The following DNAH14 variants were observed in gnomAD, a reference collection of about 807,000 sequenced individuals.
The protein encoded by DNAH14 is dynein axonemal heavy chain 14.
In DNAH14, 478 loss-of-function variants were observed where a neutral mutation model predicts 520.9. The ratio of observed to expected loss-of-function variants is 0.92; its 90% CI spans 0.85 to 0.99. The LOEUF (loss-of-function observed/expected upper bound fraction) is 0.99, where lower values mean the gene tolerates loss of function less well. Ranked by LOEUF, DNAH14 falls within the 50% of genes least tolerant of loss-of-function variation. The pLI, the probability that DNAH14 is intolerant of heterozygous loss-of-function variation, is 0.00. For synonymous variants in DNAH14, 1,581 were observed against 1,757.2 expected, an observed-to-expected ratio of 0.90 and a Z score of 2.51; for missense variants, 4,831 against 5,234.5, an observed-to-expected ratio of 0.92 and a Z score of 2.38.
At chr1:225,320,024 T>C (rs1574745113) in intron 61 of DNAH14, among the ~76,000 whole-genome samples, 1 of 152,196 alleles carries the variant, frequency 6.6e-6, no homozygotes, top group East Asian at 1.9e-4. Context: ...ATGTACCTCA[T>C]GACTTTGTTC....
At chr1:225,194,409 G>A (rs1368629721) in intron 38 of DNAH14, among the ~76,000 whole-genome samples, 3 of 152,008 alleles carry the variant, frequency 2.0e-5, no homozygotes, top group Non-Finnish European at 4.4e-5. Context: ...AGTTGCCAAA[G>A]TTTGAAAAAA....
chr1:225,353,251 C>T (rs2095391519), intron 72 of DNAH14, among the ~76,000 whole-genome samples: 1 of 151,922 alleles, frequency 6.6e-6, no homozygotes, highest in Non-Finnish European at 1.5e-5. Flanking sequence ...TCCCACCTTG[C>T]AAAAAATTGT....
chr1:225,132,535 C>A (rs984379332), intron 27 of DNAH14, among the ~76,000 whole-genome samples: 2 of 152,152 alleles, frequency 1.3e-5, no homozygotes, highest in Non-Finnish European at 2.9e-5. Flanking sequence ...CATGTCCCTG[C>A]AAAGGACATG....
At chr1:225,154,985 T>C (rs563372730) in intron 34 of DNAH14, among the ~76,000 whole-genome samples, 6 of 152,132 alleles carry the variant, frequency 3.9e-5, no homozygotes, top group Admixed American at 3.3e-4. Flanking sequence ...CATCAACAGA[T>C]AGTTCTTGGA....
At chr1:225,120,640 C>T (rs781280744) in intron 26 of DNAH14, among the ~76,000 whole-genome samples, 33 of 152,146 alleles carry the variant, frequency 2.2e-4, no homozygotes, top group Non-Finnish European at 4.7e-4. Context: ...AAGTTAGTTG[C>T]GTCTGATCTC....
chr1:225,366,586 T>A (rs2095555810), intron 76 of DNAH14, among the ~76,000 whole-genome samples: 1 of 152,178 alleles, frequency 6.6e-6, no homozygotes, highest in African/African-American at 2.4e-5. Context: ...AAGCAACAAT[T>A]GCTGGCAACC....
chr1:224,955,220 A>G (rs930311518), intron 3 of DNAH14, 122 bp downstream of exon 3: 32 of 1,058,784 alleles, frequency 3.0e-5, no homozygotes, highest in Non-Finnish European at 3.8e-5. Flanking sequence ...ATTAGTGTCT[A>G]TTTTACTAAC....
chr1:225,347,830 C>A (rs2095309649), intron 71 of DNAH14, among the ~76,000 whole-genome samples: 1 of 152,022 alleles, frequency 6.6e-6, no homozygotes, highest in Admixed American at 6.6e-5. Context: ...GGGGAAATGG[C>A]CCAATCAGAG....
At chr1:225,159,089 T>C (rs945246475) in intron 34 of DNAH14, among the ~76,000 whole-genome samples, 9 of 152,226 alleles carry the variant, frequency 5.9e-5, no homozygotes, top group African/African-American at 1.9e-4. Flanking sequence ...TGATTCAATG[T>C]CTGGGGATTG....
chr1:225,281,300 G>T (rs1401803388), intron 54 of DNAH14, among the ~76,000 whole-genome samples: 2 of 152,032 alleles, frequency 1.3e-5, no homozygotes, highest in Admixed American at 6.5e-5. Flanking sequence ...CATCTGTAAA[G>T]CCAGCAACAT....
At chr1:225,299,001 G>A (rs1169990811) in intron 55 of DNAH14, among the ~76,000 whole-genome samples, 4 of 152,140 alleles carry the variant, frequency 2.6e-5, no homozygotes, top group Non-Finnish European at 4.4e-5. Context: ...GTCACCACAG[G>A]TACCTCTCCA....
At chr1:225,384,411 A>C (rs925206159) in intron 81 of DNAH14, among the ~76,000 whole-genome samples, 6 of 152,122 alleles carry the variant, frequency 3.9e-5, no homozygotes, top group African/African-American at 1.2e-4. Context: ...GACACAAAAA[A>C]ACCTTCAAAA....
At position 225,127,124 on chromosome 1, in the gene DNAH14, C is replaced by T. The variant is rs2077806588; in HGVS notation, c.4254+3510C>T. Among the ~76,000 whole-genome samples the T allele has an allele frequency of 2.0e-5, 3 of 152,034 alleles. No homozygotes were observed. The South Asian group carries it at 6.2e-4, about 32-fold the overall frequency. On this transcript the variant is annotated intron_variant, in intron 27 of 85. Coordinates refer to ENST00000682510, the MANE Select transcript of DNAH14 (RefSeq NM_001367479.1). ...ACATTTGCTGAGGAGAGCTTTACTT[C>T]CAACTATGTGGTCAATTTTGGAATA...
intron 1 of DNAH14, among the ~76,000 whole-genome samples, chr1:224,932,443 A>G (rs2058757433): frequency 6.6e-6 from 1 of 152,104 alleles, no homozygotes; most frequent in African/African-American, 2.4e-5. Context: ...TTTGCTGTGC[A>G]GAAACTTTCT....
At chr1:225,180,592 G>A (rs1452676016) in intron 36 of DNAH14, among the ~76,000 whole-genome samples, 1 of 152,076 alleles carries the variant, frequency 6.6e-6, no homozygotes, top group Non-Finnish European at 1.5e-5. Flanking sequence ...AACTATTAGA[G>A]TGAGAACACA....
chr1:225,157,245 A>G (rs1261238609), intron 34 of DNAH14, among the ~76,000 whole-genome samples: 2 of 152,184 alleles, frequency 1.3e-5, no homozygotes, highest in Non-Finnish European at 2.9e-5. Context: ...TCTTGGCAAC[A>G]TCTAGAGAAT....
chr1:225,168,070 T>C (rs1232740214), intron 36 of DNAH14, 42 bp downstream of exon 36: 1 of 1,120,952 alleles, frequency 8.9e-7, no homozygotes. Flanking sequence ...TGCCTGTATT[T>C]CAATAGGAAT....
In DNAH14 at chr1:225,318,666, C is replaced by T. The variant is rs1204771739; in HGVS notation, c.9324C>T (p.Val3108=). The change falls in exon 61 of 86, where the codon GTC becomes GTT. Residue 3108 remains valine (V), a synonymous_variant. Coordinates refer to ENST00000682510, the MANE Select transcript of DNAH14 (RefSeq NM_001367479.1). ...TGAATGCCCTGGATAAAGCTGATGT[C>T]GCTGAATTAAGGTAACTCTCCTAAG... ...VALNALDKAD[V]AELRVYTRPP... is the part of the protein sequence containing the mutation. The T allele has an allele frequency of 1.9e-5, 29 of 1,547,082 alleles. No homozygotes were observed. The highest frequency in any genetic ancestry group is 1.7e-4 in the Middle Eastern group (1 of 6,002).
intron 17 of DNAH14, among the ~76,000 whole-genome samples, chr1:225,069,474 G>T (rs1336699299): frequency 6.6e-6 from 1 of 152,078 alleles, no homozygotes. Context: ...TGTGGTTTTT[G>T]TCTTTAGTTC....
Sources: gnomAD v4.1 joint callset for allele counts (sites outside exome capture counted in the v4.1 genomes callset) on GRCh38, gnomAD v4.1.1 for gene constraint, MANE v1.5 for transcripts, NCBI Gene and HGNC (gene_info 2026-07-23, HGNC 2026-07-21) for gene names.